MLANA: variants seen among roughly 807,000 people sequenced by gnomAD.
The protein encoded by MLANA is melanoma antigen recognized by T-cells 1.
In MLANA, 21 loss-of-function variants were observed where a neutral mutation model predicts 15.7. The ratio of observed to expected loss-of-function variants is 1.33; its 90% CI spans 0.95 to 1.92. The LOEUF (loss-of-function observed/expected upper bound fraction) is 1.92, where lower values mean the gene tolerates loss of function less well. Among genes scored for constraint, MLANA ranks in the 40% most tolerant of loss-of-function variants. MLANA has a pLI of 0.00. For synonymous variants in MLANA, 56 were observed against 51.5 expected (o/e 1.09, Z -0.37); for missense variants, 164 against 143.8 (o/e 1.14, Z -0.72).
In MLANA at chr9:5,908,854, T is replaced by C; in HGVS notation, c.*146T>C. The C allele has an allele frequency of 1.5e-6, 1 of 669,472 alleles. No individual in the cohort carries two copies. Among genetic ancestry groups the C allele is most frequent in the Non-Finnish European group, 2.6e-6 (1 of 383,392 alleles). The allele number at this position is 669,472 out of a possible 1,614,324, so 41.5% of individuals were successfully genotyped here. On this transcript the variant is annotated 3_prime_UTR_variant, in exon 5 of 5. Transcript: ENST00000381477. ...TAATAAGTCAGTGTTAAAATTTTAG[T>C]AGGTCCGCTAGCAGTACTAATCATG...
At chr9:5,891,016 G>C (rs1831626517) in intron 1 of MLANA, 80 bp downstream of exon 1, 1 of 152,126 alleles carries the variant, frequency 6.6e-6, no homozygotes. Flanking sequence ...TAAGTCCTCT[G>C]CCTACCCTCA....
chr9:5,901,782 A>G (rs1317340138), intron 3 of MLANA, among the ~76,000 whole-genome samples: 3 of 152,174 alleles, frequency 2.0e-5, no homozygotes, highest in African/African-American at 7.2e-5. Flanking sequence ...TCAGCCTCCC[A>G]AAGTGCTGGG....
In MLANA at chr9:5,909,042, T is replaced by G. The variant is rs1474291360; in HGVS notation, c.*334T>G. The G allele has an allele frequency of 6.6e-6, 2 of 300,984 alleles. No individual in the cohort carries two copies. The highest frequency in any genetic ancestry group is 4.8e-5 in the Admixed American group (1 of 20,880). The allele number at this position is 300,984 out of a possible 1,614,324, so 18.6% of individuals were successfully genotyped here. On this transcript the variant is annotated 3_prime_UTR_variant, in exon 5 of 5. Transcript: ENST00000381477. ...TGGGGCCATCCAATTTCTCTTTACT[T>G]GAAATTTGGCTAATAACAAACTAGT... is the stretch of plus-strand genomic sequence containing the variant.
intron 3 of MLANA, among the ~76,000 whole-genome samples, chr9:5,902,536 C>T (rs554561174): frequency 1.2e-4 from 19 of 152,002 alleles, no homozygotes; most frequent in Middle Eastern, 3.4e-3. Flanking sequence ...ACAATCATAG[C>T]TCACTGTTAC....
At chr9:5,905,406 G>T (rs893059547) in intron 3 of MLANA, among the ~76,000 whole-genome samples, 1 of 152,152 alleles carries the variant, frequency 6.6e-6, no homozygotes, top group Admixed American at 6.5e-5. Context: ...TTAAAATAGA[G>T]ATTACAGGAC....
In MLANA at chr9:5,895,223, A is replaced by G. The variant is rs78795090; in HGVS notation, c.78-2334A>G. On this transcript the variant is annotated intron_variant, in intron 2 of 4. Transcript: ENST00000381477. ...GTGTAGGAACCCCTGAATACATGGA[A>G]CATCATCATCTTGTGCAGGTACTGA... Among the ~76,000 whole-genome samples the G allele has an allele frequency of 3.3e-5, 5 of 152,310 alleles. No individual in the cohort carries two copies. The East Asian group carries it at 9.6e-4, about 29-fold the overall frequency.
At chr9:5,893,792 T>C (rs1040973764) in intron 2 of MLANA, among the ~76,000 whole-genome samples, 7 of 152,160 alleles carry the variant, frequency 4.6e-5, no homozygotes, top group African/African-American at 1.7e-4. Flanking sequence ...TCCCCATGGC[T>C]GAAGATGTTG....
At position 5,910,510 on chromosome 9, in the gene MLANA, C is replaced by T. The variant is rs767668376; in HGVS notation, c.*1802C>T. 2.6e-5 allele frequency: 4 copies of T among 152,190 alleles called. No individual in the cohort carries two copies. The highest frequency in any genetic ancestry group is 6.5e-5 in the Admixed American group (1 of 15,280). 9.4% of individuals were successfully genotyped at this position (152,190 alleles called of 1,614,324 possible). ...AGAAACTTCATCAGGCATTTGGGTA[C>T]CTCCTCCCCTCACCACGAGGTCTCT... On this transcript the variant is annotated 3_prime_UTR_variant, in exon 5 of 5. Transcript: ENST00000381477.
rs546643445 is a variant in MLANA at position 5,894,485 on chromosome 9, G to A, written c.77+1934G>A. Among the ~76,000 whole-genome samples the A allele has an allele frequency of 6.6e-6, 1 of 152,256 alleles. No individual in the cohort carries two copies. Among genetic ancestry groups the A allele is most frequent in the East Asian group, 1.9e-4 (1 of 5,180 alleles). ...ATCAGGACCTAGAGTTGGGAGGAGG[G>A]ACGCCACAGAAATGGGACCCAGATC... On this transcript the variant is annotated intron_variant, in intron 2 of 4. Coordinates refer to ENST00000381477, the MANE Select transcript of MLANA (RefSeq NM_005511.2). The surrounding 1 kb of genome is among the most constrained non-coding windows in gnomAD (Gnocchi z 4.0).
chr9:5,895,690 G>A (rs531301123), intron 2 of MLANA, among the ~76,000 whole-genome samples: 1 of 152,338 alleles, frequency 6.6e-6, no homozygotes, highest in East Asian at 1.9e-4. Flanking sequence ...CTAAGAGGCT[G>A]ATTGGGTAGG....
At chr9:5,905,237 C>T (rs1458413586) in intron 3 of MLANA, among the ~76,000 whole-genome samples, 1 of 152,090 alleles carries the variant, frequency 6.6e-6, no homozygotes, top group African/African-American at 2.4e-5. Context: ...AAACAAAATC[C>T]TAAATCCTCC....
chr9:5,902,524 G>A (rs1169161912), intron 3 of MLANA, among the ~76,000 whole-genome samples: 1 of 151,532 alleles, frequency 6.6e-6, no homozygotes, highest in African/African-American at 2.4e-5. Flanking sequence ...GAGTGCAGTG[G>A]CACAATCATA....
chr9:5,895,207 C>G (rs1831933731), intron 2 of MLANA, among the ~76,000 whole-genome samples: 1 of 152,132 alleles, frequency 6.6e-6, no homozygotes, highest in African/African-American at 2.4e-5. Flanking sequence ...AGTGTAGGAA[C>G]CCCTGAATAC....
chr9:5,907,759 C>T (rs560361821), intron 4 of MLANA, among the ~76,000 whole-genome samples: 19 of 152,274 alleles, frequency 1.2e-4, no homozygotes, highest in African/African-American at 4.3e-4. Context: ...TCGAGACCAG[C>T]CTGGCAAACA....
At chr9:5,891,443 A>T (rs1344468736) in intron 1 of MLANA, 1 of 152,160 alleles carries the variant, frequency 6.6e-6, no homozygotes, top group Admixed American at 6.5e-5. Flanking sequence ...GGGAAGGGCA[A>T]ATTACACATA....
chr9:5,900,086 T>C (rs1441388716), intron 3 of MLANA, among the ~76,000 whole-genome samples: 2 of 152,258 alleles, frequency 1.3e-5, no homozygotes, highest in Non-Finnish European at 2.9e-5. Flanking sequence ...AATATGTTGG[T>C]ACTCATTTCC....
At chr9:5,906,448 T>C (rs1451255793) in intron 3 of MLANA, among the ~76,000 whole-genome samples, 1 of 152,254 alleles carries the variant, frequency 6.6e-6, no homozygotes, top group Non-Finnish European at 1.5e-5. Context: ...TGTTATTTTC[T>C]TTTTCTCTAA....
intron 3 of MLANA, among the ~76,000 whole-genome samples, chr9:5,903,495 T>A (rs1265240556): frequency 6.6e-6 from 1 of 152,228 alleles, no homozygotes; most frequent in African/African-American, 2.4e-5. Flanking sequence ...TCTTTGTTTT[T>A]GATATTAGGG....
At chr9:5,897,341 G>A (rs1832093657) in intron 2 of MLANA, among the ~76,000 whole-genome samples, 1 of 152,180 alleles carries the variant, frequency 6.6e-6, no homozygotes, top group Admixed American at 6.5e-5. Flanking sequence ...AGTTCCTGTG[G>A]GCACACACTT....
Sources: allele counts gnomAD v4.1 joint callset (sites outside exome capture counted in the v4.1 genomes callset), GRCh38; gene constraint gnomAD v4.1.1; non-coding constraint Gnocchi (gnomAD v3.1); transcripts MANE v1.5; gene names NCBI Gene and HGNC (gene_info 2026-07-23, HGNC 2026-07-21).